The following DPYD variants were observed in gnomAD, a reference collection of about 807,000 sequenced individuals.
DPYD encodes the protein dihydropyrimidine dehydrogenase.
In DPYD, 109 loss-of-function variants were observed where a neutral mutation model predicts 116.2. The observed-to-expected ratio is 0.94, with a 90% confidence interval of 0.80 to 1.10. The LOEUF is 1.10. Ranked by LOEUF, DPYD falls within the 50% of genes least tolerant of loss-of-function variation. The pLI is 0.00. For synonymous variants in DPYD, 440 were observed against 432.0 expected (o/e 1.02, Z -0.23); for missense variants, 1,302 against 1,254.5 (o/e 1.04, Z -0.57).
In DPYD at chr1:97,862,812, CA is replaced by C. The variant is rs569084765; in HGVS notation, c.150+20451del. Among the ~76,000 whole-genome samples the C allele has an allele frequency of 5.3e-5, 8 of 151,764 alleles. No homozygotes were observed. The South Asian group carries it at 1.7e-3, about 31-fold the overall frequency. On this transcript the variant is annotated intron_variant, in intron 2 of 22. Transcript: ENST00000370192. ...TATCAAATTAAAAACATTTTATAGT[CA>C]ATTCAAAAAAGGCAATTATTCTATA...
intron 3 of DPYD, among the ~76,000 whole-genome samples, chr1:97,810,754 T>A (rs918315538): frequency 2.0e-5 from 3 of 152,172 alleles, no homozygotes; most frequent in Non-Finnish European, 4.4e-5. Flanking sequence ...GTGATATTTT[T>A]AAAAATTCTA....
intron 11 of DPYD, among the ~76,000 whole-genome samples, chr1:97,569,290 T>G (rs991628286): frequency 6.6e-6 from 1 of 151,594 alleles, no homozygotes; most frequent in Non-Finnish European, 1.5e-5. Flanking sequence ...ATAAATCGAT[T>G]AAACCTGACA....
intron 15 of DPYD, among the ~76,000 whole-genome samples, chr1:97,376,333 C>A (rs1671611095): frequency 6.6e-6 from 1 of 152,140 alleles, no homozygotes; most frequent in South Asian, 2.1e-4. Context: ...AGCTTCCAAG[C>A]TTGAAGTAAA....
chr1:97,584,452 T>A (rs1334266702), intron 10 of DPYD, among the ~76,000 whole-genome samples: 1 of 152,112 alleles, frequency 6.6e-6, no homozygotes, highest in Non-Finnish European at 1.5e-5. Context: ...TTGTTGCCAT[T>A]GTTTTTAGTG....
chr1:97,851,193 T>C (rs945236136), intron 2 of DPYD, among the ~76,000 whole-genome samples: 3 of 151,608 alleles, frequency 2.0e-5, no homozygotes, highest in African/African-American at 4.8e-5. Flanking sequence ...TTATACACTA[T>C]GATAAGTTTC....
At chr1:97,911,259 T>C (rs900285971) in intron 1 of DPYD, among the ~76,000 whole-genome samples, 4 of 152,040 alleles carry the variant, frequency 2.6e-5, no homozygotes, top group African/African-American at 9.7e-5. Flanking sequence ...ATCTTAAGCA[T>C]AAAGGATGCT....
intron 8 of DPYD, among the ~76,000 whole-genome samples, chr1:97,613,247 T>C (rs1012483043): frequency 2.0e-5 from 3 of 152,034 alleles, no homozygotes; most frequent in Admixed American, 6.6e-5. Context: ...ATTTGTACAG[T>C]CAAAAGATAA....
At chr1:97,154,551 T>C (rs1570564427) in intron 20 of DPYD, among the ~76,000 whole-genome samples, 1 of 151,888 alleles carries the variant, frequency 6.6e-6, no homozygotes, top group South Asian at 2.1e-4. Context: ...GAGGCCAGGG[T>C]TGAAGACCAG....
intron 14 of DPYD, among the ~76,000 whole-genome samples, chr1:97,436,421 C>G (rs1377297211): frequency 6.6e-6 from 1 of 151,896 alleles, no homozygotes; most frequent in East Asian, 1.9e-4. Context: ...CTCTCATGAG[C>G]TAGTTTATAC....
At chr1:97,785,681 CTTTTT>C (rs35229030) in intron 3 of DPYD, among the ~76,000 whole-genome samples, 4 of 62,544 alleles carry the variant, frequency 6.4e-5, no homozygotes, top group African/African-American at 2.1e-4. Flanking sequence ...GCCACTGACT[CTTTTT>C]TTTTTTTTTT....
chr1:97,702,489 C>T (rs945845787), intron 5 of DPYD, among the ~76,000 whole-genome samples: 12 of 151,796 alleles, frequency 7.9e-5, no homozygotes, highest in African/African-American at 2.9e-4. Context: ...AATCTGCTAA[C>T]ATTTACAAAT....
chr1:97,519,290 A>G (rs1459607116), intron 12 of DPYD, among the ~76,000 whole-genome samples: 2 of 152,152 alleles, frequency 1.3e-5, no homozygotes, highest in Admixed American at 1.3e-4. Context: ...CACATCTTAC[A>G]TGGATGACAG....
intron 13 of DPYD, among the ~76,000 whole-genome samples, chr1:97,512,640 G>A (rs933313988): frequency 1.3e-5 from 2 of 151,730 alleles, no homozygotes; most frequent in African/African-American, 4.8e-5. Flanking sequence ...ACAGGTCAAG[G>A]GGTTATTTTA....
At position 97,903,050 on chromosome 1, in the gene DPYD, G is replaced by C. The variant is rs528518486; in HGVS notation, c.39+17834C>G. ...ACTGGGCTGGCACAGAAGAGAATTTGACTTAATGGGAGACTTCTGTGATGG... is the reference window on the plus strand; with the variant it reads ...ACTGGGCTGGCACAGAAGAGAATTTCACTTAATGGGAGACTTCTGTGATGG... On this transcript the variant is annotated intron_variant, in intron 1 of 22. Coordinates refer to ENST00000370192, the MANE Select transcript of DPYD (RefSeq NM_000110.4). Among the ~76,000 whole-genome samples the C allele has an allele frequency of 2.6e-5, 4 of 151,930 alleles. No homozygotes were observed. The South Asian group carries it at 8.3e-4, about 31-fold the overall frequency.
intron 20 of DPYD, among the ~76,000 whole-genome samples, chr1:97,173,402 A>C (rs571608921): frequency 6.7e-6 from 1 of 150,094 alleles, no homozygotes; most frequent in African/African-American, 2.4e-5. Context: ...ATATGTGTGT[A>C]TATACGTACG....
chr1:97,866,895 A>G (rs1015476070), intron 2 of DPYD, among the ~76,000 whole-genome samples: 4 of 151,882 alleles, frequency 2.6e-5, no homozygotes, highest in African/African-American at 9.7e-5. Context: ...CAAGGAAGCC[A>G]GAAGACAGTG....
chr1:97,509,038 C>G (rs1647576673), intron 13 of DPYD, among the ~76,000 whole-genome samples: 1 of 151,864 alleles, frequency 6.6e-6, no homozygotes, highest in Admixed American at 6.6e-5. Flanking sequence ...ATGAAATCAT[C>G]CAGGACCGGC....
At chr1:97,277,290 A>G (rs75526386) in intron 18 of DPYD, among the ~76,000 whole-genome samples, 6,156 of 152,032 alleles carry the variant, frequency 0.04, 159 homozygotes, top group Middle Eastern at 0.11. Flanking sequence ...AGGATCATTC[A>G]TATCCCAAAC....
At chr1:97,895,748 A>T (rs2101671543) in intron 1 of DPYD, among the ~76,000 whole-genome samples, 1 of 151,908 alleles carries the variant, frequency 6.6e-6, no homozygotes, top group South Asian at 2.1e-4. Context: ...GTTCATGCAT[A>T]CAATTACTAT....
Sources: allele counts gnomAD v4.1 joint callset (sites outside exome capture counted in the v4.1 genomes callset), GRCh38; gene constraint gnomAD v4.1.1; transcripts MANE v1.5; gene names NCBI Gene and HGNC (gene_info 2026-07-23, HGNC 2026-07-21).